Variants in LARGE1 observed in about 807,000 individuals in gnomAD.
LARGE1 encodes the protein xylosyl- and glucuronyltransferase LARGE1.
A neutral mutation model predicts 87.6 loss-of-function variants in LARGE1; 43 were observed. The ratio of observed to expected loss-of-function variants is 0.49; its 90% CI spans 0.38 to 0.63. LARGE1 has a LOEUF of 0.63. Ranked by LOEUF, LARGE1 falls within the 30% of genes least tolerant of loss-of-function variation. The pLI, the probability that LARGE1 is intolerant of heterozygous loss-of-function variation, is 0.00. For synonymous variants in LARGE1, 434 were observed against 394.6 expected, an observed-to-expected ratio of 1.10 and a Z score of -1.18; for missense variants, 802 against 1,000.2, an observed-to-expected ratio of 0.80 and a Z score of 2.67.
intron 2 of LARGE1, among the ~76,000 whole-genome samples, chr22:33,711,228 G>A (rs1326994897): frequency 6.6e-6 from 1 of 152,196 alleles, no homozygotes; most frequent in Non-Finnish European, 1.5e-5. Context: ...GTGGCCACCA[G>A]GCTCCCATGT....
chr22:33,399,394 A>T (rs2065863248), intron 7 of LARGE1, among the ~76,000 whole-genome samples: 1 of 152,140 alleles, frequency 6.6e-6, no homozygotes, highest in Non-Finnish European at 1.5e-5. Context: ...ATTGATGGGC[A>T]TTTGGGTTGA....
intron 1 of LARGE1, among the ~76,000 whole-genome samples, chr22:33,909,660 TCCC>T (rs1424634586): frequency 6.6e-6 from 1 of 152,008 alleles, no homozygotes; most frequent in African/African-American, 2.4e-5. Context: ...TGCCTCAGCC[TCCC>T]GAGTAGCTGG....
chr22:33,173,470 A>C (rs1266283189), intron 11 of LARGE1, among the ~76,000 whole-genome samples: 2 of 151,842 alleles, frequency 1.3e-5, no homozygotes, highest in Non-Finnish European at 2.9e-5. Flanking sequence ...CACAATGACA[A>C]GATCAAATTC....
At chr22:33,251,316 A>G (rs1927001385) in intron 11 of LARGE1, among the ~76,000 whole-genome samples, 1 of 152,056 alleles carries the variant, frequency 6.6e-6, no homozygotes, top group Non-Finnish European at 1.5e-5. Flanking sequence ...CTGTGGAGGG[A>G]GCTCAACTAG....
At chr22:33,613,607 C>T (rs528579807) in intron 4 of LARGE1, among the ~76,000 whole-genome samples, 1 of 152,302 alleles carries the variant, frequency 6.6e-6, no homozygotes, top group East Asian at 1.9e-4. Context: ...ATTCTCCTGC[C>T]TCAGCCTCCT....
chr22:33,459,594 C>G (rs1314190927), intron 6 of LARGE1, among the ~76,000 whole-genome samples: 1 of 152,040 alleles, frequency 6.6e-6, no homozygotes, highest in Non-Finnish European at 1.5e-5. Flanking sequence ...CCCAGACAGC[C>G]CAATTCATAC....
chr22:33,214,534 C>T (rs1925112652), intron 11 of LARGE1, among the ~76,000 whole-genome samples: 1 of 152,076 alleles, frequency 6.6e-6, no homozygotes. Flanking sequence ...TTTGGAGACA[C>T]AGTCATTTAA....
At chr22:33,421,833 T>C (rs1189295737) in intron 7 of LARGE1, among the ~76,000 whole-genome samples, 17 of 152,214 alleles carry the variant, frequency 1.1e-4, no homozygotes. Context: ...GTTAGATTTC[T>C]GGGGGTAAGC....
At chr22:33,070,254 G>A in the LARGE1 span, among the ~76,000 whole-genome samples, 1 of 152,112 alleles carries the variant, frequency 6.6e-6, no homozygotes, top group South Asian at 2.1e-4. Flanking sequence ...CTGGGCCAGG[G>A]GTCTAGTACA....
chr22:33,360,889 C>T (rs1053017382), intron 9 of LARGE1, among the ~76,000 whole-genome samples: 8 of 149,856 alleles, frequency 5.3e-5, no homozygotes, highest in South Asian at 2.2e-4. Context: ...AGCCTGCTGC[C>T]GCTGGACTCT....
In LARGE1 at chr22:33,304,222, T is replaced by C. The variant is rs1417514888; in HGVS notation, c.1730+7A>G. ...GGCCTGATGGCCAGGCCCCTGCAGGTCCTTACCTGAGGTACTCATAGAGCC... is the reference window on the plus strand; with the variant it reads ...GGCCTGATGGCCAGGCCCCTGCAGGCCCTTACCTGAGGTACTCATAGAGCC... On this transcript the variant is annotated splice_region_variant and intron_variant, in intron 12 of 14. Transcript: ENST00000397394. The C allele has an allele frequency of 1.2e-6, 2 of 1,614,088 alleles. No homozygotes were observed. Among genetic ancestry groups the C allele is most frequent in the East Asian group, 4.5e-5 (2 of 44,886 alleles).
the LARGE1 span, among the ~76,000 whole-genome samples, chr22:33,086,171 T>C: frequency 1.3e-5 from 2 of 152,214 alleles, 1 homozygote; most frequent in South Asian, 4.1e-4. Context: ...CAGTCTGTTG[T>C]TTTAAATTCC....
At chr22:33,737,006 A>G (rs1478610896) in intron 2 of LARGE1, among the ~76,000 whole-genome samples, 2 of 152,142 alleles carry the variant, frequency 1.3e-5, no homozygotes, top group South Asian at 2.1e-4. Context: ...TACAGGTCAA[A>G]CCTCCCTGAC....
At chr22:33,810,040 T>C (rs970741996) in intron 1 of LARGE1, among the ~76,000 whole-genome samples, 5 of 152,138 alleles carry the variant, frequency 3.3e-5, no homozygotes, top group African/African-American at 1.2e-4. Context: ...GAAAAAAAAC[T>C]ACAGTAGTCT....
At chr22:33,918,812 G>C (rs1160678368) in intron 1 of LARGE1, among the ~76,000 whole-genome samples, 1 of 152,178 alleles carries the variant, frequency 6.6e-6, no homozygotes, top group Non-Finnish European at 1.5e-5. Context: ...CTCCACACCT[G>C]TGTCAGAGAA....
chr22:33,572,521 T>A (rs1038342018), intron 5 of LARGE1, among the ~76,000 whole-genome samples: 1 of 152,128 alleles, frequency 6.6e-6, no homozygotes, highest in Non-Finnish European at 1.5e-5. Context: ...TGCATGAGGT[T>A]TGAAAAAGCA....
the LARGE1 span, among the ~76,000 whole-genome samples, chr22:33,079,940 AG>A: frequency 6.6e-6 from 1 of 152,188 alleles, no homozygotes. Context: ...GAGAGCTATC[AG>A]GGGGACTGTC....
intron 6 of LARGE1, among the ~76,000 whole-genome samples, chr22:33,491,580 TG>T (rs1239475156): frequency 1.3e-5 from 2 of 152,210 alleles, no homozygotes; most frequent in African/African-American, 4.8e-5. Context: ...ATTAAAATGT[TG>T]GTTGCCTGGA....
the LARGE1 span, among the ~76,000 whole-genome samples, chr22:33,120,333 C>CTT: frequency 8.1e-5 from 12 of 148,400 alleles, no homozygotes; most frequent in African/African-American, 2.7e-4. Flanking sequence ...TTCTTTCTTT[C>CTT]TTTCTTTTTC....
Sources: allele counts gnomAD v4.1 joint callset (sites outside exome capture counted in the v4.1 genomes callset), GRCh38; gene constraint gnomAD v4.1.1; transcripts MANE v1.5; gene names NCBI Gene and HGNC (gene_info 2026-07-23, HGNC 2026-07-21).